Variants in FAM3B observed in about 807,000 individuals in gnomAD.
The protein encoded by FAM3B is protein FAM3B.
Under a neutral mutation model 28.4 loss-of-function variants are expected in FAM3B, and 29 were observed. That is an observed-to-expected ratio of 1.02 (90% CI 0.76 to 1.39). The LOEUF (loss-of-function observed/expected upper bound fraction) is 1.39. Ranked by LOEUF, FAM3B falls within the 40% of genes most tolerant of loss-of-function variation. FAM3B has a pLI of 0.00. For synonymous variants in FAM3B, 91 were observed against 103.0 expected (o/e 0.88, Z 0.71); for missense variants, 266 against 293.9 (o/e 0.91, Z 0.69).
intron 1 of FAM3B, among the ~76,000 whole-genome samples, chr21:41,318,747 G>A (rs751971002): frequency 1.1e-4 from 16 of 152,188 alleles, no homozygotes; most frequent in African/African-American, 1.9e-4. Flanking sequence ...AGGAAATCCC[G>A]TCAATAGACC....
intron 2 of FAM3B, among the ~76,000 whole-genome samples, chr21:41,332,360 G>A (rs1279286901): frequency 6.6e-6 from 1 of 152,204 alleles, no homozygotes; most frequent in African/African-American, 2.4e-5. Context: ...AGCAATGCAA[G>A]AATGGACTAA....
At chr21:41,321,748 G>A (rs1385878504) in intron 1 of FAM3B, among the ~76,000 whole-genome samples, 2 of 152,232 alleles carry the variant, frequency 1.3e-5, no homozygotes, top group African/African-American at 4.8e-5. Context: ...CGCTGCCTTG[G>A]CGCAGCATAG....
rs768543977 is a variant in FAM3B at position 41,357,206 on chromosome 21, G to A, written c.*9G>A. On this transcript the variant is annotated 3_prime_UTR_variant, in exon 8 of 8. Transcript: ENST00000357985. ...CCAAAGAACGAAGCTGACACTGCAGGGTCCTGAGTAAATGTGTTCTGTATA... is the reference window on the plus strand; with the variant it reads ...CCAAAGAACGAAGCTGACACTGCAGAGTCCTGAGTAAATGTGTTCTGTATA... The A allele has an allele frequency of 6.3e-7, 1 of 1,597,598 alleles. No individual in the cohort carries two copies. Among genetic ancestry groups the A allele is most frequent in the South Asian group, 1.1e-5 (1 of 89,684 alleles).
intron 5 of FAM3B, chr21:41,346,022 TA>T (rs59394089): frequency 0.059 from 11,855 of 199,638 alleles, 2 homozygotes; most frequent in South Asian, 0.13. Context: ...GCCTTTTTTT[TA>T]AAAAAAAAAA....
chr21:41,349,419 G>A (rs913309621), intron 7 of FAM3B, among the ~76,000 whole-genome samples: 2 of 152,148 alleles, frequency 1.3e-5, no homozygotes, highest in African/African-American at 4.8e-5. Context: ...TGCAGAAGAG[G>A]AGGAAATTGT....
chr21:41,335,918 T>C (rs1483331496), intron 2 of FAM3B, among the ~76,000 whole-genome samples: 1 of 152,188 alleles, frequency 6.6e-6, no homozygotes, highest in Non-Finnish European at 1.5e-5. Flanking sequence ...ATGCTTTTGG[T>C]GTAAAGAGCA....
intron 2 of FAM3B, among the ~76,000 whole-genome samples, chr21:41,328,448 T>G (rs910133172): frequency 6.6e-6 from 1 of 152,128 alleles, no homozygotes; most frequent in Middle Eastern, 3.2e-3. Flanking sequence ...TATAGCACGT[T>G]TTCATATGAG....
intron 1 of FAM3B, among the ~76,000 whole-genome samples, chr21:41,321,245 C>T (rs1223913907): frequency 2.6e-5 from 4 of 152,204 alleles, no homozygotes; most frequent in South Asian, 2.1e-4. Flanking sequence ...GGAAAATCAG[C>T]GACCCACGCG....
upstream of FAM3B, chr21:41,316,647 G>T: frequency 2.6e-6 from 1 of 378,710 alleles, no homozygotes; most frequent in South Asian, 1.1e-4. Flanking sequence ...AGCGACCTCA[G>T]AGCTCCCGGG....
intron 7 of FAM3B, among the ~76,000 whole-genome samples, chr21:41,355,556 GAAACAAACAAAC>G (rs3037007): frequency 3.3e-5 from 5 of 151,104 alleles, no homozygotes; most frequent in Admixed American, 2.0e-4. Context: ...CAGGCTAAGT[GAAACAAACAAAC>G]AAACAAACAA....
exon 1 of FAM3B, chr21:41,304,284 C>A (rs1234849367): frequency 1.1e-5 from 5 of 456,148 alleles, no homozygotes; most frequent in Non-Finnish European, 2.2e-5. Flanking sequence ...CTTTTTCCAC[C>A]GTGCGAAGGC....
intron 4 of FAM3B, among the ~76,000 whole-genome samples, chr21:41,345,295 G>T (rs1269143286): frequency 6.9e-6 from 1 of 144,852 alleles, no homozygotes; most frequent in African/African-American, 2.6e-5. Context: ...GGGCCTGGCT[G>T]AGGGGGCTCT....
chr21:41,308,210 C>T (rs2088691646), intron 1 of FAM3B, among the ~76,000 whole-genome samples: 1 of 152,218 alleles, frequency 6.6e-6, no homozygotes, highest in Non-Finnish European at 1.5e-5. Context: ...TGGGATGCCT[C>T]ATTTGCATCC....
intron 2 of FAM3B, among the ~76,000 whole-genome samples, chr21:41,331,707 A>G (rs1481772153): frequency 1.3e-5 from 2 of 152,140 alleles, no homozygotes; most frequent in South Asian, 4.1e-4. Flanking sequence ...TTCTCCATCA[A>G]CTTGAGTTGA....
intron 2 of FAM3B, among the ~76,000 whole-genome samples, chr21:41,323,702 A>G (rs1340399707): frequency 6.6e-6 from 1 of 152,154 alleles, no homozygotes; most frequent in African/African-American, 2.4e-5. Context: ...TAGTGAGGGG[A>G]GGTGACAGCT....
At chr21:41,348,796 G>A in intron 7 of FAM3B, 72 bp downstream of exon 7, 2 of 1,562,326 alleles carry the variant, frequency 1.3e-6, no homozygotes, top group Admixed American at 1.7e-5. Flanking sequence ...AAACGTTCCT[G>A]GTGGGTTATA....
intron 3 of FAM3B, among the ~76,000 whole-genome samples, chr21:41,342,126 G>C (rs2089012153): frequency 6.6e-6 from 1 of 152,156 alleles, no homozygotes; most frequent in Admixed American, 6.5e-5. Context: ...TTTGTAGGCT[G>C]TGTTAGCCAT....
upstream of FAM3B, among the ~76,000 whole-genome samples, chr21:41,316,564 C>T (rs1356496940): frequency 6.6e-6 from 1 of 152,212 alleles, no homozygotes; most frequent in Non-Finnish European, 1.5e-5. Flanking sequence ...CAGAGCCAAC[C>T]TTGCTGGGCT....
intron 7 of FAM3B, among the ~76,000 whole-genome samples, chr21:41,356,057 AC>A (rs2089164595): frequency 6.8e-6 from 1 of 148,020 alleles, no homozygotes; most frequent in Non-Finnish European, 1.5e-5. Flanking sequence ...ACACACACAC[AC>A]ACACACACAC....
Sources: allele counts gnomAD v4.1 joint callset (sites outside exome capture counted in the v4.1 genomes callset), GRCh38; gene constraint gnomAD v4.1.1; transcripts MANE v1.5; gene names NCBI Gene and HGNC (gene_info 2026-07-23, HGNC 2026-07-21).